DYNC1LI2: variants seen among roughly 807,000 people sequenced by gnomAD.
DYNC1LI2 encodes the protein cytoplasmic dynein 1 light intermediate chain 2.
Under a neutral mutation model 57.8 loss-of-function variants are expected in DYNC1LI2, and 19 were observed. That is an observed-to-expected ratio of 0.33 (90% confidence interval 0.23 to 0.48). DYNC1LI2 has a LOEUF of 0.48. Ranked by LOEUF, DYNC1LI2 falls within the 20% of genes least tolerant of loss-of-function variation. The pLI, the probability that DYNC1LI2 is intolerant of heterozygous loss-of-function variation, is 0.99. For missense variants in DYNC1LI2, 470 were observed against 604.2 expected, an observed-to-expected ratio of 0.78 and a Z score of 2.33; for synonymous variants, 256 against 233.4, an observed-to-expected ratio of 1.10 and a Z score of -0.88.
Position 66,728,229 on chromosome 16 carries a change from T to C in DYNC1LI2, c.1115A>G (p.Lys372Arg), listed in dbSNP as rs2017570637. 6.2e-7 allele frequency: 1 copy of C among 1,614,072 alleles called. No homozygotes were observed. Among genetic ancestry groups the C allele is most frequent in the Non-Finnish European group, 8.5e-7 (1 of 1,179,996 alleles). Residue 372 changes from lysine to arginine, a missense_variant, in exon 10 of 13, where the codon AAG (lysine) becomes AGG (arginine). Transcript: ENST00000258198. ...FLMKQQSLLA[K>R]QPATPTRASE... is the part of the protein sequence containing the mutation. ...AGCTCTCGTGGGAGTGGCTGGTTGCTTGGCAAGGAGTGACTGCAAAGAGAG... is the reference window on the plus strand; with the variant it reads ...AGCTCTCGTGGGAGTGGCTGGTTGCCTGGCAAGGAGTGACTGCAAAGAGAG...
chr16:66,728,146 T>C lies in DYNC1LI2; in HGVS notation c.1143+55A>G, dbSNP rs1352025291. 10 of 1,607,270 alleles carry C rather than the reference T, an allele frequency of 6.2e-6. No individual in the cohort carries two copies. The Admixed American group carries it at 1.0e-4, about 16-fold the overall frequency. On this transcript the variant is annotated intron_variant, in intron 10 of 12. Coordinates refer to ENST00000258198, the MANE Select transcript of DYNC1LI2 (RefSeq NM_006141.3). ...GCTCTCACAAATAATGGTATAAAGT[T>C]TGATGACACCCACAACACTGGGCCT...
At chr16:66,739,453 G>A (rs1477325187) in intron 4 of DYNC1LI2, 1 of 152,152 alleles carries the variant, frequency 6.6e-6, no homozygotes, top group Non-Finnish European at 1.5e-5. Flanking sequence ...TTATTTAATT[G>A]TTTTTGAGAT....
Position 66,728,297 on chromosome 16 carries a change from G to T in DYNC1LI2, c.1102-55C>A. 1.9e-6 allele frequency: 3 copies of T among 1,605,620 alleles called. No individual in the cohort carries two copies. The South Asian group carries it at 3.3e-5, about 18-fold the overall frequency. The stretch of plus-strand genomic sequence containing the variant: ...ACCAAGGCCTGCAGAGAGCACTGAA[G>T]GTCTAGAGAAAAACTTACTCCAAGT... On this transcript the variant is annotated intron_variant, in intron 9 of 12. Coordinates refer to ENST00000258198, the MANE Select transcript of DYNC1LI2 (RefSeq NM_006141.3).
Position 66,723,776 on chromosome 16 carries a change from C to CA in DYNC1LI2, c.1424dup (p.Met475IlefsTer17). On this transcript the variant is annotated frameshift_variant, in exon 13 of 13. Coordinates refer to ENST00000258198, the MANE Select transcript of DYNC1LI2 (RefSeq NM_006141.3). LOFTEE classifies it high-confidence loss of function. ...TTACCATAGAGTCTGGCTTTCGAGT[C>CA]ATTCTATCCAGTTCTTCCTGAACAT... 1 of 1,607,160 alleles carries CA rather than the reference C, an allele frequency of 6.2e-7. No homozygotes were observed. Among genetic ancestry groups the CA allele is most frequent in the Non-Finnish European group, 8.5e-7 (1 of 1,178,510 alleles).
At chr16:66,739,280 A>G (rs2017794463) in intron 4 of DYNC1LI2, 1 of 152,258 alleles carries the variant, frequency 6.6e-6, no homozygotes, top group Admixed American at 6.5e-5. Flanking sequence ...CCTCCACCCC[A>G]TTACCTCGTG....
intron 11 of DYNC1LI2, 26 bp from the exon 12 acceptor site, chr16:66,725,970 AG>A (rs1418040012): frequency 6.2e-7 from 1 of 1,603,434 alleles, no homozygotes; most frequent in East Asian, 2.2e-5. Flanking sequence ...GAGAAAAAAA[AG>A]CATCATATAA....
chr16:66,732,347 G>C lies in DYNC1LI2; in HGVS notation c.921C>G (p.Ala307=). 1 of 1,612,308 alleles carries C rather than the reference G, an allele frequency of 6.2e-7. No homozygotes were observed. The highest frequency in any genetic ancestry group is 8.5e-7 in the Non-Finnish European group (1 of 1,179,458). Residue 307 remains alanine (A), a synonymous_variant, in exon 7 of 13, where the codon GCC becomes GCG. Coordinates refer to ENST00000258198, the MANE Select transcript of DYNC1LI2 (RefSeq NM_006141.3). Reference sequence around the variant, plus strand: ...AGCTCAAAATAACTCACATAAAAACGGCATCCTTTTCCACAACTAAGGCAG... The same window carrying C: ...AGCTCAAAATAACTCACATAAAAACCGCATCCTTTTCCACAACTAAGGCAG... ...TTPALVVEKD[A]VFIPAGWDNE... is the part of the protein sequence containing the mutation.
intron 3 of DYNC1LI2, among the ~76,000 whole-genome samples, chr16:66,748,682 G>T (rs956545711): frequency 1.3e-5 from 2 of 152,078 alleles, no homozygotes; most frequent in African/African-American, 4.8e-5. Context: ...TCCCACCTCA[G>T]CCTCCTGAGT....
intron 4 of DYNC1LI2, among the ~76,000 whole-genome samples, chr16:66,740,551 T>C (rs374796585): frequency 2.0e-5 from 3 of 152,138 alleles, no homozygotes; most frequent in African/African-American, 4.8e-5. Context: ...GTTCCAGCAA[T>C]TGCTAGCTGC....
intron 12 of DYNC1LI2, among the ~76,000 whole-genome samples, chr16:66,724,507 G>C (rs2017502579): frequency 6.6e-6 from 1 of 152,156 alleles, no homozygotes; most frequent in African/African-American, 2.4e-5. Context: ...ACATCAATTA[G>C]GGAAAACAAT....
intron 5 of DYNC1LI2, among the ~76,000 whole-genome samples, chr16:66,734,557 A>G (rs1006064129): frequency 1.3e-5 from 2 of 151,952 alleles, no homozygotes; most frequent in African/African-American, 4.8e-5. Context: ...TGTTCTAAAC[A>G]TCAAACAAGC....
At chr16:66,734,450 G>A (rs1008666759) in intron 5 of DYNC1LI2, 139 bp from the exon 6 acceptor site, 1 of 773,174 alleles carries the variant, frequency 1.3e-6, no homozygotes, top group East Asian at 2.8e-5. Context: ...TTAGAGAAGA[G>A]TAAAAAAGAA....
rs1447850957 is a variant in DYNC1LI2, at chr16:66,751,209, AGGGAG to A, written c.181+59_181+63del. The A allele has an allele frequency of 5.2e-6, 8 of 1,552,630 alleles. No homozygotes were observed. In the African/African-American group the frequency reaches 9.7e-5, roughly 19 times the overall value. ...CTGGAACGGGGAAGGCGGGGACCTG[AGGGAG>A]GGGCGCCCGCCTCGCCCACCCCAGC... On this transcript the variant is annotated intron_variant, in intron 2 of 12. Transcript: ENST00000258198. The surrounding 1 kb of genome is among the most constrained non-coding windows in gnomAD (Gnocchi z 5.2).
At chr16:66,725,738 C>T (rs1374974283) in intron 12 of DYNC1LI2, 90 bp downstream of exon 12, 87 of 1,318,132 alleles carry the variant, frequency 6.6e-5, no homozygotes, top group Non-Finnish European at 8.8e-5. Context: ...ATTCAGGACA[C>T]TGCAGGGTCT....
chr16:66,726,772 G>C (rs1334323212), intron 11 of DYNC1LI2, among the ~76,000 whole-genome samples: 1 of 152,134 alleles, frequency 6.6e-6, no homozygotes, highest in African/African-American at 2.4e-5. Context: ...CTCCCGAGTA[G>C]CTGGGATTAC....
intron 4 of DYNC1LI2, among the ~76,000 whole-genome samples, chr16:66,737,490 C>CAAAAAAAAAA (rs754336347): frequency 1.7e-5 from 1 of 58,010 alleles, no homozygotes. Flanking sequence ...GACTCCGTCT[C>CAAAAAAAAAA]AAAAAAAAAA....
In DYNC1LI2 at chr16:66,727,679, A is replaced by G. The variant is rs1463099529; in HGVS notation, c.1261+9T>C. 6.2e-7 allele frequency: 1 copy of G among 1,613,740 alleles called. No homozygotes were observed. Among genetic ancestry groups the G allele is most frequent in the Non-Finnish European group, 8.5e-7 (1 of 1,179,794 alleles). On this transcript the variant is annotated intron_variant, in intron 11 of 12. Transcript: ENST00000258198. ...TCTCCAAAGAGACATACTTTTGAGG[A>G]ATACATACTTTTGATGTTTGGGTCC...
chr16:66,748,264 TA>T (rs996153630), intron 3 of DYNC1LI2, among the ~76,000 whole-genome samples: 12 of 59,014 alleles, frequency 2.0e-4, no homozygotes, highest in Non-Finnish European at 3.8e-4. Context: ...GGTGACAGAG[TA>T]AAACCCTGTC....
chr16:66,729,836 C>A (rs557959542), intron 8 of DYNC1LI2, among the ~76,000 whole-genome samples: 2 of 152,134 alleles, frequency 1.3e-5, no homozygotes, highest in African/African-American at 4.8e-5. Context: ...GGTTGGAGTG[C>A]AGTGGCGCAA....
Sources: allele counts gnomAD v4.1 joint callset (sites outside exome capture counted in the v4.1 genomes callset), GRCh38; gene constraint gnomAD v4.1.1; non-coding constraint Gnocchi (gnomAD v3.1); transcripts MANE v1.5; gene names NCBI Gene and HGNC (gene_info 2026-07-23, HGNC 2026-07-21).